The following ADARB2 variants were observed in gnomAD, a reference collection of about 807,000 sequenced individuals.
The protein encoded by ADARB2 is adenosine deaminase RNA specific B2 (inactive).
ADARB2 carries 25 observed loss-of-function variants against 62.2 expected under a neutral mutation model. The observed-to-expected ratio is 0.40, with a 90% CI of 0.29 to 0.56. The LOEUF (loss-of-function observed/expected upper bound fraction) is 0.56, where lower values mean the gene tolerates loss of function less well. Among genes scored for constraint, ADARB2 ranks in the 20% least tolerant of loss-of-function variants. The pLI, the probability that ADARB2 is intolerant of heterozygous loss-of-function variation, is 0.43. For synonymous variants in ADARB2, 572 were observed against 500.8 expected, an observed-to-expected ratio of 1.14 and a Z score of -1.90; for missense variants, 1,071 against 1,077.4, an observed-to-expected ratio of 0.99 and a Z score of 0.08.
intron 2 of ADARB2, among the ~76,000 whole-genome samples, chr10:1,377,347 T>A (rs186218959): frequency 1.4e-5 from 2 of 138,350 alleles, no homozygotes; most frequent in Non-Finnish European, 3.1e-5. Flanking sequence ...GCTCCTGGGG[T>A]GTGTGTGTTT....
intron 1 of ADARB2, among the ~76,000 whole-genome samples, chr10:1,619,276 A>G (rs879573398): frequency 5.3e-4 from 75 of 140,728 alleles, no homozygotes; most frequent in Non-Finnish European, 1.5e-4. Flanking sequence ...CAAAGACACA[A>G]ATACATTGAA....
At chr10:1,722,126 A>G (rs12571576) in intron 1 of ADARB2, among the ~76,000 whole-genome samples, 124,200 of 152,142 alleles carry the variant, frequency 0.82, 51,716 homozygotes, top group South Asian at 0.91. Flanking sequence ...TGTAGACTCT[A>G]TTTCACTGTA....
At chr10:1,708,815 T>C (rs1834920621) in intron 1 of ADARB2, among the ~76,000 whole-genome samples, 1 of 152,196 alleles carries the variant, frequency 6.6e-6, no homozygotes. Context: ...TCCTTTTTCC[T>C]TCTTTCTACA....
At chr10:1,311,339 GC>G (rs1831688516) in intron 3 of ADARB2, among the ~76,000 whole-genome samples, 1 of 152,168 alleles carries the variant, frequency 6.6e-6, no homozygotes, top group Middle Eastern at 3.2e-3. Context: ...GGAGGAAAAA[GC>G]CTAACAAAAG....
At chr10:1,423,894 A>G (rs1431810720) in intron 1 of ADARB2, among the ~76,000 whole-genome samples, 2 of 152,088 alleles carry the variant, frequency 1.3e-5, no homozygotes, top group African/African-American at 4.8e-5. Flanking sequence ...TAGGTCCACT[A>G]TGTATGCAGT....
At chr10:1,357,569 T>C (rs186167756) in intron 3 of ADARB2, among the ~76,000 whole-genome samples, 1 of 152,322 alleles carries the variant, frequency 6.6e-6, no homozygotes, top group Admixed American at 6.5e-5. Flanking sequence ...CTTGTCACTG[T>C]ATTTTATCTG....
intron 1 of ADARB2, among the ~76,000 whole-genome samples, chr10:1,545,098 A>T (rs916005079): frequency 6.6e-6 from 1 of 151,918 alleles, no homozygotes; most frequent in African/African-American, 2.4e-5. Context: ...CCATCTCTCC[A>T]CTTGTCTCAC....
At chr10:1,554,468 T>G (rs887775773) in intron 1 of ADARB2, among the ~76,000 whole-genome samples, 1 of 152,088 alleles carries the variant, frequency 6.6e-6, no homozygotes, top group African/African-American at 2.4e-5. Context: ...ACCAAGAACC[T>G]CTGCCCCGGT....
intron 1 of ADARB2, among the ~76,000 whole-genome samples, chr10:1,688,987 G>A (rs1337616661): frequency 6.6e-6 from 1 of 152,204 alleles, no homozygotes; most frequent in African/African-American, 2.4e-5. Flanking sequence ...ACATTTTGCA[G>A]GTGATCAGTG....
chr10:1,558,510 A>T (rs1212219373), intron 1 of ADARB2, among the ~76,000 whole-genome samples: 18 of 117,628 alleles, frequency 1.5e-4, no homozygotes, highest in African/African-American at 5.7e-4. Flanking sequence ...CTAAATCTGC[A>T]TCCCACCTCT....
chr10:1,356,757 GCAA>G (rs1219000689), intron 3 of ADARB2, among the ~76,000 whole-genome samples: 18 of 152,126 alleles, frequency 1.2e-4, no homozygotes, highest in African/African-American at 4.1e-4. Flanking sequence ...CTCAAGCAAA[GCAA>G]CAACAACACA....
chr10:1,556,828 C>T (rs1449158288), intron 1 of ADARB2: 1 of 534,456 alleles, frequency 1.9e-6, no homozygotes, highest in Non-Finnish European at 3.8e-6. Context: ...CAGACACTTG[C>T]TCTGCTGCAG....
intron 4 of ADARB2, among the ~76,000 whole-genome samples, chr10:1,246,625 T>G (rs1830988310): frequency 9.6e-6 from 1 of 104,654 alleles, no homozygotes; most frequent in African/African-American, 3.9e-5. Context: ...TTTTCTCAGG[T>G]TTGTCAAAGA....
chr10:1,726,771 G>C (rs1835170854), intron 1 of ADARB2, among the ~76,000 whole-genome samples: 1 of 152,182 alleles, frequency 6.6e-6, no homozygotes. Flanking sequence ...AGGTGAGGGA[G>C]ACTGGAGAGC....
At chr10:1,578,904 C>T (rs1833057651) in intron 1 of ADARB2, among the ~76,000 whole-genome samples, 2 of 152,186 alleles carry the variant, frequency 1.3e-5, no homozygotes, top group Admixed American at 6.5e-5. Flanking sequence ...TCCCCATGCG[C>T]CTGGTGAGGC....
chr10:1,363,806 C>T lies in ADARB2; in HGVS notation c.299G>A (p.Arg100Gln), dbSNP rs1349437398. 9 of 1,595,850 alleles carry T rather than the reference C, an allele frequency of 5.6e-6. No individual in the cohort carries two copies. The highest frequency in any genetic ancestry group is 4.5e-5 in the East Asian group (2 of 44,680). ...RGGAPGAKRK[R>Q]PLEEGNGGHL... is the part of the protein sequence containing the mutation. ...GCCCCCATTCCCCTCCTCCAGCGGC[C>T]GCTTCCTCTTCGCGCCGGGCGCGCC... Residue 100 changes from arginine to glutamine, a missense_variant, in exon 3 of 10, where the codon CGG becomes CAG. Physicochemically the swap from Arg to Gln is conservative, Grantham distance 43. Coordinates refer to ENST00000381312, the MANE Select transcript of ADARB2 (RefSeq NM_018702.4).
intron 1 of ADARB2, among the ~76,000 whole-genome samples, chr10:1,691,011 TCTG>T (rs1834665476): frequency 6.6e-6 from 1 of 152,098 alleles, no homozygotes; most frequent in Non-Finnish European, 1.5e-5. Flanking sequence ...ACCCAACCCC[TCTG>T]CTATTATGGG....
chr10:1,422,364 G>A (rs575863485), intron 1 of ADARB2, among the ~76,000 whole-genome samples: 1 of 152,352 alleles, frequency 6.6e-6, no homozygotes, highest in African/African-American at 2.4e-5. Flanking sequence ...ACTCGGGAGT[G>A]AGAGGGAGGC....
intron 1 of ADARB2, among the ~76,000 whole-genome samples, chr10:1,444,677 C>T (rs1192700509): frequency 6.6e-6 from 1 of 151,274 alleles, no homozygotes; most frequent in East Asian, 2.0e-4. Context: ...TCCATCCATC[C>T]ATCCACCCAC....
Sources: allele counts gnomAD v4.1 joint callset (sites outside exome capture counted in the v4.1 genomes callset), GRCh38; gene constraint gnomAD v4.1.1; transcripts MANE v1.5; gene names NCBI Gene and HGNC (gene_info 2026-07-23, HGNC 2026-07-21).